The following LRP4 variants were observed in gnomAD, a reference collection of about 807,000 sequenced individuals.
LRP4 encodes the protein LDL receptor related protein 4.
Under a neutral mutation model 220.3 loss-of-function variants are expected in LRP4, and 95 were observed. The observed-to-expected ratio is 0.43, with a 90% confidence interval of 0.37 to 0.51. LRP4 has a LOEUF of 0.51. LRP4 is among the 20% of genes least tolerant of loss of function. LRP4 has a pLI of 0.00. For synonymous variants in LRP4, 903 were observed against 954.6 expected (o/e 0.95, Z 1.00); for missense variants, 1,925 against 2,567.0 (o/e 0.75, Z 5.40).
intron 1 of LRP4, among the ~76,000 whole-genome samples, chr11:46,912,077 C>T (rs917668598): frequency 1.3e-5 from 2 of 152,124 alleles, no homozygotes; most frequent in African/African-American, 4.8e-5. Flanking sequence ...TGGTCTCGAA[C>T]TCCTGACGTC....
At chr11:46,884,125 GTGACT>G (rs1592530879) in intron 18 of LRP4, 149 bp from the exon 19 acceptor site, 2 of 687,630 alleles carry the variant, frequency 2.9e-6, no homozygotes, top group East Asian at 2.7e-5. Flanking sequence ...CGGAAATTTA[GTGACT>G]TGAACTGCAA....
At chr11:46,874,754 C>T (rs1940963823) in intron 28 of LRP4, 46 bp downstream of exon 28, 1 of 1,590,904 alleles carries the variant, frequency 6.3e-7, no homozygotes, top group East Asian at 2.2e-5. Flanking sequence ...CCATGGGCGA[C>T]CAGAAGCAAA....
intron 19 of LRP4, 46 bp downstream of exon 19, chr11:46,883,825 C>CT (rs746492082): frequency 7.0e-7 from 1 of 1,423,994 alleles, no homozygotes; most frequent in East Asian, 2.3e-5. Flanking sequence ...GAGCTCAGAT[C>CT]TTGGGAGGGG....
intron 2 of LRP4, among the ~76,000 whole-genome samples, chr11:46,901,417 G>C (rs1317483189): frequency 6.6e-6 from 1 of 152,182 alleles, no homozygotes; most frequent in African/African-American, 2.4e-5. Flanking sequence ...CTTTTTGGCT[G>C]TACAATGGGG....
intron 1 of LRP4, among the ~76,000 whole-genome samples, chr11:46,905,293 G>T (rs1941741697): frequency 6.6e-6 from 1 of 152,216 alleles, no homozygotes; most frequent in Non-Finnish European, 1.5e-5. Context: ...CAGCACAGCT[G>T]TAGGCACCCT....
chr11:46,904,480 C>CATGCATGG (rs1555175136), intron 1 of LRP4, among the ~76,000 whole-genome samples: 2 of 151,134 alleles, frequency 1.3e-5, no homozygotes, highest in Admixed American at 6.6e-5. Context: ...GCCTGCAATG[C>CATGCATGG]ATGGATGGAT....
Position 46,918,231 on chromosome 11 carries a change from G to A in LRP4, c.52+97C>T, listed in dbSNP as rs1323975728. ...GGGCCACGGCTAGGAGCGAGGGCGA[G>A]GGGTCTCAGGCCCCGGCCCGCGCCG... On this transcript the variant is annotated intron_variant, in intron 1 of 37. Coordinates refer to ENST00000378623, the MANE Select transcript of LRP4 (RefSeq NM_002334.4). This position sits in a 1 kb window ranked among gnomAD's most constrained non-coding sequence, Gnocchi z 6.0. The A allele has an allele frequency of 4.6e-6, 6 of 1,299,266 alleles. No individual in the cohort carries two copies. The highest frequency in any genetic ancestry group is 6.3e-6 in the Non-Finnish European group (6 of 950,494). 80.5% of individuals were successfully genotyped at this position (1,299,266 alleles called of 1,614,324 possible).
At position 46,865,186 on chromosome 11, in the gene LRP4, T is replaced by C; in HGVS notation, c.5088A>G (p.Arg1696=). The part of the protein sequence containing the change: ...TRTSLEEVEG[R]CSERDARLGL... ...CCAGCCTGGCATCCCTTTCAGAGCA[T>C]CTGTGGGGCACAGAAAACTGGATGT... Residue 1696 remains arginine, a splice_region_variant and synonymous_variant, in exon 35 of 38, where the codon AGA becomes AGG. Coordinates refer to ENST00000378623, the MANE Select transcript of LRP4 (RefSeq NM_002334.4). 1 of 1,554,508 alleles carries C rather than the reference T, an allele frequency of 6.4e-7. No individual in the cohort carries two copies. The highest frequency in any genetic ancestry group is 8.7e-7 in the Non-Finnish European group (1 of 1,148,214).
rs1472915863 is a variant in LRP4, at chr11:46,889,449, G to A, written c.2177C>T (p.Thr726Ile). The A allele has an allele frequency of 4.3e-6, 7 of 1,614,034 alleles. No individual in the cohort carries two copies. Among genetic ancestry groups the A allele is most frequent in the South Asian group, 1.1e-5 (1 of 91,088 alleles). Residue 726 changes from threonine (T) to isoleucine (I), a missense_variant, in exon 16 of 38, where the codon ACT becomes ATT. By Grantham distance (89) the Thr-to-Ile change is moderately conservative. Around this residue, in one of 3 missense-constraint regions of LRP4, gnomAD observed 1,244 missense variants for 1,624.9 expected, o/e 0.77. Coordinates refer to ENST00000378623, the MANE Select transcript of LRP4 (RefSeq NM_002334.4). ...GTGGCTGCTGATCTTGCGGAAGCCA[G>A]TGGGGCAGGCACAGGTGTAGTTCTG... is the stretch of plus-strand genomic sequence containing the variant. ...SGQNYTCACP[T>I]GFRKISSHAC...
intron 1 of LRP4, among the ~76,000 whole-genome samples, chr11:46,911,420 A>G (rs1025587981): frequency 4.6e-5 from 7 of 152,038 alleles, no homozygotes; most frequent in African/African-American, 1.7e-4. Context: ...GAAGGTCCAC[A>G]CAGTAACAAA....
chr11:46,895,779 A>G, intron 10 of LRP4, 105 bp downstream of exon 10: 1 of 1,508,972 alleles, frequency 6.6e-7, no homozygotes, highest in Non-Finnish European at 9.1e-7. Flanking sequence ...GTGAGGACGA[A>G]ATGAGGTCAC....
intron 2 of LRP4, 79 bp downstream of exon 2, chr11:46,902,704 T>C: frequency 6.5e-7 from 1 of 1,531,650 alleles, no homozygotes; most frequent in Non-Finnish European, 9.0e-7. Flanking sequence ...ATGCAGAAAA[T>C]ACTCCATCAG....
In LRP4 at chr11:46,873,163, T is replaced by C. The variant is rs748607012; in HGVS notation, c.4520A>G (p.Lys1507Arg). Residue 1507 changes from lysine (K) to arginine (R), a missense_variant, in exon 30 of 38, where the codon AAG becomes AGG. Around this residue, in one of 3 missense-constraint regions of LRP4, gnomAD observed 1,244 missense variants for 1,624.9 expected, o/e 0.77. Transcript: ENST00000378623. The surrounding 1 kb of genome is among the most constrained non-coding windows in gnomAD (Gnocchi z 4.2). ...ERANLDGSERKVLINTDLGWP... is the reference protein window; with the variant it reads ...ERANLDGSERRVLINTDLGWP... ...ACCCAGGTCTGTGTTGATGAGGACC[T>C]TCCGCTCAGAACCATCCAAGTTTGC... 1.1e-5 allele frequency: 17 copies of C among 1,614,218 alleles called. No individual in the cohort carries two copies. The highest frequency in any genetic ancestry group is 1.4e-5 in the Non-Finnish European group (17 of 1,180,026).
chr11:46,877,068 G>C, intron 23 of LRP4, 131 bp downstream of exon 23: 1 of 1,097,954 alleles, frequency 9.1e-7, no homozygotes, highest in Non-Finnish European at 1.4e-6. Flanking sequence ...CAGGGACAGG[G>C]GCTATGCCAG....
intron 18 of LRP4, among the ~76,000 whole-genome samples, chr11:46,884,533 G>A (rs922564881): frequency 4.9e-4 from 75 of 151,966 alleles, no homozygotes; most frequent in African/African-American, 1.7e-3. Context: ...TTAGGAGATC[G>A]AGACCATCCT....
Position 46,894,824 on chromosome 11 carries a change from G to C in LRP4, c.1310-5C>G, listed in dbSNP as rs765994523. 1.9e-6 allele frequency: 3 copies of C among 1,613,404 alleles called. No individual in the cohort carries two copies. Among genetic ancestry groups the C allele is most frequent in the Non-Finnish European group, 2.5e-6 (3 of 1,179,362 alleles). On this transcript the variant is annotated splice_region_variant and splice_polypyrimidine_tract_variant and intron_variant, in intron 11 of 37. Coordinates refer to ENST00000378623, the MANE Select transcript of LRP4 (RefSeq NM_002334.4). ...ACAGCAGCACAGGCTCTGGCCCTGG[G>C]AAACAGTATAAACATGGGATACCCA...
intron 22 of LRP4, among the ~76,000 whole-genome samples, chr11:46,878,274 CTTTTT>C (rs71042631): frequency 1.3e-5 from 1 of 74,998 alleles, no homozygotes; most frequent in Non-Finnish European, 2.6e-5. Context: ...TTAGAAGTGT[CTTTTT>C]TTTTTTTTTT....
chr11:46,901,835 C>A (rs1941670943), intron 2 of LRP4, among the ~76,000 whole-genome samples: 1 of 151,960 alleles, frequency 6.6e-6, no homozygotes. Flanking sequence ...CGGGTTTACA[C>A]CATTCTCCTG....
intron 16 of LRP4, among the ~76,000 whole-genome samples, chr11:46,888,033 A>G: frequency 7.1e-6 from 1 of 139,914 alleles, no homozygotes; most frequent in Admixed American, 7.7e-5. Context: ...AAAAAAAAAA[A>G]AAAAAAAAGG....
Sources: gnomAD v4.1 joint callset for allele counts (sites outside exome capture counted in the v4.1 genomes callset) on GRCh38, gnomAD v4.1.1 for gene constraint, gnomAD v4.1.1 regional missense constraint, Gnocchi (gnomAD v3.1) non-coding constraint, MANE v1.5 for transcripts, NCBI Gene and HGNC (gene_info 2026-07-23, HGNC 2026-07-21) for gene names.